The following ERC1 variants were observed in gnomAD, a reference collection of about 807,000 sequenced individuals.
The protein encoded by ERC1 is RAB6 interacting protein 2.
ERC1 carries 56 observed loss-of-function variants against 132.0 expected under a neutral mutation model. The observed-to-expected ratio is 0.42, with a 90% CI of 0.34 to 0.53. The LOEUF (loss-of-function observed/expected upper bound fraction) is 0.53. Ranked by LOEUF, ERC1 falls within the 20% of genes least tolerant of loss-of-function variation. The pLI is 0.03. For missense variants in ERC1, 1,202 were observed against 1,349.9 expected (o/e 0.89, Z 1.72); for synonymous variants, 478 against 476.1 (o/e 1.00, Z -0.05).
chr12:1,424,897 G>T (rs2092584643), intron 17 of ERC1, among the ~76,000 whole-genome samples: 1 of 149,868 alleles, frequency 6.7e-6, no homozygotes, highest in African/African-American at 2.5e-5. Context: ...TAGATAGATA[G>T]ATAGATAGAT....
In ERC1 at chr12:1,083,587, G is replaced by T; in HGVS notation, c.1086+7G>T. 1 of 1,566,320 alleles carries T rather than the reference G, an allele frequency of 6.4e-7. No homozygotes were observed. The highest frequency in any genetic ancestry group is 1.2e-5 in the South Asian group (1 of 83,456). ...GAACAGTATGTTGAGAGAGGTATGTGACTACTTTTTTAGTTTTATGATTTG... is the reference window on the plus strand; with the variant it reads ...GAACAGTATGTTGAGAGAGGTATGTTACTACTTTTTTAGTTTTATGATTTG... On this transcript the variant is annotated splice_region_variant and intron_variant, in intron 3 of 18. Transcript: ENST00000360905.
At chr12:1,007,538 C>CTGTGTGTGTGTG (rs1255758100) in intron 1 of ERC1, among the ~76,000 whole-genome samples, 1 of 53,370 alleles carries the variant, frequency 1.9e-5, no homozygotes, top group African/African-American at 7.5e-5. Flanking sequence ...CTCTCTCTCT[C>CTGTGTGTGTGTG]TCTGTGTGTG....
At chr12:1,417,237 C>T (rs930960137) in intron 17 of ERC1, among the ~76,000 whole-genome samples, 1 of 152,160 alleles carries the variant, frequency 6.6e-6, no homozygotes, top group Non-Finnish European at 1.5e-5. Context: ...ACTCCCTTTA[C>T]ACCTCATCCT....
intron 15 of ERC1, among the ~76,000 whole-genome samples, chr12:1,309,714 CT>C (rs201086756): frequency 0.038 from 5,126 of 135,244 alleles, 257 homozygotes; most frequent in African/African-American, 0.12. Context: ...TGCACTCTGA[CT>C]TTTTTTTTTT....
Position 1,133,847 on chromosome 12 carries a change from T to C in ERC1, c.1570-7773T>C, listed in dbSNP as rs549692484. Among the ~76,000 whole-genome samples, 362 of 152,304 alleles carry C rather than the reference T, an allele frequency of 2.4e-3. 1 individual carries two copies. The highest frequency in any genetic ancestry group is 7.6e-3 in the African/African-American group (317 of 41,560). On this transcript the variant is annotated intron_variant, in intron 7 of 18. Transcript: ENST00000360905. ...GCCCCTGGTAACCACCATTCTCTTC[T>C]CTGTTTCTTTGAGTTCAACTTTATT...
intron 2 of ERC1, among the ~76,000 whole-genome samples, chr12:1,061,472 G>A (rs915032819): frequency 4.6e-5 from 7 of 150,638 alleles, no homozygotes; most frequent in Non-Finnish European, 1.0e-4. Context: ...GCGTGGTGGT[G>A]TATGCCAGTA....
At chr12:1,381,946 CT>C (rs1431775056) in intron 16 of ERC1, among the ~76,000 whole-genome samples, 14 of 151,956 alleles carry the variant, frequency 9.2e-5, no homozygotes, top group African/African-American at 2.9e-4. Context: ...GAGAAAGAAA[CT>C]TTTCACTTGG....
chr12:1,258,316 G>A (rs1201171829), intron 13 of ERC1, among the ~76,000 whole-genome samples: 1 of 152,170 alleles, frequency 6.6e-6, no homozygotes, highest in East Asian at 1.9e-4. Context: ...GGCTCTTACT[G>A]TCTCATAGTT....
In ERC1 at chr12:1,429,193, A is replaced by T. The variant is rs573755496; in HGVS notation, c.3025-15369A>T. Among the ~76,000 whole-genome samples, 6 of 152,280 alleles carry T rather than the reference A, an allele frequency of 3.9e-5. No individual in the cohort carries two copies. In the South Asian group the frequency reaches 1.2e-3, roughly 32 times the overall value. ...TCACAAACTTTTTGCAGGAGGAGGG[A>T]TTTGGCAAGCCTAGAAAGGTATTAG... is the stretch of plus-strand genomic sequence containing the variant. On this transcript the variant is annotated intron_variant, in intron 17 of 18. Coordinates refer to ENST00000360905, the MANE Select transcript of ERC1 (RefSeq NM_178040.4).
intron 2 of ERC1, among the ~76,000 whole-genome samples, chr12:1,046,357 C>T (rs1971082395): frequency 6.6e-6 from 1 of 152,184 alleles, no homozygotes. Context: ...ATCCTTCCTA[C>T]AGGAGTTGTA....
At chr12:1,489,514 G>C (rs2094294116) in intron 18 of ERC1, among the ~76,000 whole-genome samples, 1 of 152,206 alleles carries the variant, frequency 6.6e-6, no homozygotes, top group South Asian at 2.1e-4. Context: ...CTCAATAAAG[G>C]TTGGTTAAAA....
At chr12:1,414,360 A>G (rs949045958) in intron 17 of ERC1, among the ~76,000 whole-genome samples, 6 of 152,212 alleles carry the variant, frequency 3.9e-5, no homozygotes, top group Non-Finnish European at 8.8e-5. Flanking sequence ...TGAGAGAGAG[A>G]GGAAGCAAGC....
chr12:1,192,658 C>A (rs116722782), intron 12 of ERC1, among the ~76,000 whole-genome samples: 1 of 152,250 alleles, frequency 6.6e-6, no homozygotes, highest in African/African-American at 2.4e-5. Flanking sequence ...GTTTCTGTCC[C>A]TGTACCATCA....
chr12:1,003,955 G>A lies in ERC1; in HGVS notation c.-157+12633G>A, dbSNP rs557725673. Among the ~76,000 whole-genome samples the A allele has an allele frequency of 1.3e-4, 20 of 152,270 alleles. No homozygotes were observed. In the East Asian group the frequency reaches 3.3e-3, roughly 25 times the overall value. On this transcript the variant is annotated intron_variant, in intron 1 of 18. Transcript: ENST00000360905. ...GCTAAGTGGTTTTGTATTCTACAGC[G>A]CTGTTCTAAGTTAGGCAGGGCTGAA...
chr12:1,068,109 T>C (rs993675351), intron 2 of ERC1, among the ~76,000 whole-genome samples: 1 of 151,908 alleles, frequency 6.6e-6, no homozygotes. Flanking sequence ...TTTTTGTATT[T>C]TTAGTAGAGA....
intron 17 of ERC1, among the ~76,000 whole-genome samples, chr12:1,439,524 A>C (rs2093043389): frequency 6.6e-6 from 1 of 152,242 alleles, no homozygotes; most frequent in Non-Finnish European, 1.5e-5. Flanking sequence ...TTTATAATTT[A>C]AATTTCCTCA....
At chr12:1,231,485 G>T (rs1031461625) in intron 12 of ERC1, among the ~76,000 whole-genome samples, 4 of 151,902 alleles carry the variant, frequency 2.6e-5, no homozygotes, top group African/African-American at 9.7e-5. Context: ...TTCTGAATTT[G>T]ACTGTATATT....
At chr12:1,100,871 A>C (rs534448096) in intron 3 of ERC1, among the ~76,000 whole-genome samples, 1 of 152,278 alleles carries the variant, frequency 6.6e-6, no homozygotes, top group African/African-American at 2.4e-5. Context: ...CAAGGGAATG[A>C]GTATAGGTGG....
chr12:1,346,911 C>T (rs1029385822), intron 15 of ERC1, among the ~76,000 whole-genome samples: 57 of 143,494 alleles, frequency 4.0e-4, no homozygotes, highest in Admixed American at 1.4e-3. Context: ...CACTGCAGTC[C>T]GCAGTCCGGC....
Sources: allele counts gnomAD v4.1 joint callset (sites outside exome capture counted in the v4.1 genomes callset), GRCh38; gene constraint gnomAD v4.1.1; transcripts MANE v1.5; gene names NCBI Gene and HGNC (gene_info 2026-07-23, HGNC 2026-07-21).